The following CASC3 variants were observed in gnomAD, a reference collection of about 807,000 sequenced individuals.
CASC3 encodes the protein CASC3 exon junction complex subunit, also known as protein CASC3.
A neutral mutation model predicts 80.5 loss-of-function variants in CASC3; 30 were observed. The ratio of observed to expected loss-of-function variants is 0.37; its 90% CI spans 0.28 to 0.51. The LOEUF (loss-of-function observed/expected upper bound fraction) is 0.51. Among genes scored for constraint, CASC3 ranks in the 20% least tolerant of loss-of-function variants. The pLI is 0.94. For synonymous variants in CASC3, 312 were observed against 333.6 expected (o/e 0.94, Z 0.70); for missense variants, 824 against 922.2 (o/e 0.89, Z 1.38).
intron 7 of CASC3, among the ~76,000 whole-genome samples, chr17:40,165,389 G>A (rs1408977179): frequency 1.3e-5 from 2 of 152,192 alleles, no homozygotes; most frequent in Non-Finnish European, 2.9e-5. Flanking sequence ...AAAATTTTTT[G>A]TAGTGATGGG....
intron 8 of CASC3, 79 bp downstream of exon 8, chr17:40,166,940 T>TA: frequency 5.9e-6 from 6 of 1,021,150 alleles, no homozygotes; most frequent in Non-Finnish European, 7.2e-6. Flanking sequence ...CAAGATAAGG[T>TA]CTTTTTTTTT....
At chr17:40,146,206 C>T (rs528011453) in intron 3 of CASC3, among the ~76,000 whole-genome samples, 6 of 152,162 alleles carry the variant, frequency 3.9e-5, no homozygotes, top group East Asian at 1.9e-4. Context: ...GTGAGTGTGG[C>T]ATGGAATAGA....
chr17:40,168,093 C>A (rs1989497845), intron 10 of CASC3, 110 bp from the exon 11 acceptor site: 1 of 1,266,534 alleles, frequency 7.9e-7, no homozygotes, highest in Non-Finnish European at 1.1e-6. Flanking sequence ...CCTCTTGTGT[C>A]CATCCTGAGG....
At chr17:40,140,987 G>GAGCC (rs1252651190) in intron 1 of CASC3, 2 of 633,542 alleles carry the variant, frequency 3.2e-6, no homozygotes, top group Admixed American at 3.2e-5. Context: ...GAGGATGGTA[G>GAGCC]AGCCGCTGGA....
In CASC3 at chr17:40,163,668, G is replaced by T. The variant is rs752445327; in HGVS notation, c.973G>T (p.Gly325Cys). The change falls in exon 7 of 14, where the codon GGT becomes TGT. Residue 325 changes from glycine (G) to cysteine (C), a missense_variant. Transcript: ENST00000264645. ...TGGGGGCTTCAAGGAAGGTCGTGCTGGTTTTAGGCCTGTGGAAGCTGGTGG... is the reference window on the plus strand; with the variant it reads ...TGGGGGCTTCAAGGAAGGTCGTGCTTGTTTTAGGCCTGTGGAAGCTGGTGG... ...RSGGFKEGRA[G>C]FRPVEAGGQH... The T allele has an allele frequency of 1.2e-6, 2 of 1,614,018 alleles. No individual in the cohort carries two copies. The highest frequency in any genetic ancestry group is 2.7e-5 in the African/African-American group (2 of 74,888).
intron 3 of CASC3, among the ~76,000 whole-genome samples, chr17:40,143,570 G>C (rs1373659425): frequency 6.6e-6 from 1 of 151,986 alleles, no homozygotes; most frequent in East Asian, 1.9e-4. Context: ...AGTGGCTCAT[G>C]CCTGTAATCC....
In CASC3 at chr17:40,170,792, T is replaced by C. The variant is rs1989574135; in HGVS notation, c.*387T>C. 3.0e-6 allele frequency: 3 copies of C among 985,242 alleles called. No individual in the cohort carries two copies. The highest frequency in any genetic ancestry group is 3.6e-6 in the Non-Finnish European group (3 of 829,750). The allele number at this position is 985,242 out of a possible 1,614,324, so 61.0% of individuals were successfully genotyped here. A position where few individuals can be genotyped will look rare whatever the true frequency, so the allele number is the denominator to read the frequency against. ...TTCCTGTTTGTTTTGTTTTCTAAGATGTTCATTTTTAAAGCCTGGCTTCTT... is the reference window on the plus strand; with the variant it reads ...TTCCTGTTTGTTTTGTTTTCTAAGACGTTCATTTTTAAAGCCTGGCTTCTT... On this transcript the variant is annotated 3_prime_UTR_variant, in exon 14 of 14. Coordinates refer to ENST00000264645, the MANE Select transcript of CASC3 (RefSeq NM_007359.5).
intron 3 of CASC3, among the ~76,000 whole-genome samples, chr17:40,156,342 T>G (rs1184033045): frequency 1.3e-5 from 2 of 152,122 alleles, no homozygotes; most frequent in African/African-American, 4.8e-5. Context: ...CTCCCTCTAT[T>G]CTGTTACCTT....
rs780382966 is a variant in CASC3 at position 40,162,043 on chromosome 17, C to T, written c.498C>T (p.Gly166=). 1 of 1,613,974 alleles carries T rather than the reference C, an allele frequency of 6.2e-7. No homozygotes were observed. The highest frequency in any genetic ancestry group is 1.1e-5 in the South Asian group (1 of 91,066). The change falls in exon 5 of 14, where the codon GGC becomes GGT. Residue 166 remains glycine (G), a synonymous_variant. Coordinates refer to ENST00000264645, the MANE Select transcript of CASC3 (RefSeq NM_007359.5). ...TGGAGAACAAAGTGGGTAAAAAGGG[C>T]CCTAAGCATTTGGATGATGATGAAG... is the stretch of plus-strand genomic sequence containing the variant. The part of the protein sequence containing the change: ...EPVENKVGKK[G]PKHLDDDEDR...
Position 40,163,929 on chromosome 17 carries a change from A to G in CASC3, c.1234A>G (p.Thr412Ala), listed in dbSNP as rs1431581253. Residue 412 changes from threonine to alanine, a missense_variant, in exon 7 of 14, where the codon ACC becomes GCC. Thr to Ala is a moderately conservative substitution (Grantham distance 58). Around this residue, in one of 3 missense-constraint regions of CASC3, gnomAD observed 464 missense variants for 506.0 expected, o/e 0.92. Coordinates refer to ENST00000264645, the MANE Select transcript of CASC3 (RefSeq NM_007359.5). ...CTATTCCCGGGCAAGAAGAACTCGAACCAAAGTTGGAGATGCAGTCAAGCT... is the reference window on the plus strand; with the variant it reads ...CTATTCCCGGGCAAGAAGAACTCGAGCCAAAGTTGGAGATGCAGTCAAGCT... Reference protein sequence around the residue: ...KSYSRARRTRTKVGDAVKLAE... With the variant: ...KSYSRARRTRAKVGDAVKLAE... 6.2e-7 allele frequency: 1 copy of G among 1,613,980 alleles called. No individual in the cohort carries two copies. The highest frequency in any genetic ancestry group is 8.5e-7 in the Non-Finnish European group (1 of 1,180,032).
intron 11 of CASC3, 59 bp from the exon 12 acceptor site, chr17:40,169,265 A>AT (rs1235786464): frequency 5.6e-6 from 8 of 1,432,428 alleles, no homozygotes; most frequent in Non-Finnish European, 7.4e-6. Context: ...TTTCCTGTTC[A>AT]TCATAGGTTG....
intron 3 of CASC3, among the ~76,000 whole-genome samples, chr17:40,150,411 TGTGC>T (rs1294564704): frequency 5.3e-5 from 4 of 76,066 alleles, no homozygotes; most frequent in Non-Finnish European, 1.2e-4. Flanking sequence ...AGTAAGAGTG[TGTGC>T]GTGTGTGTGT....
At position 40,171,641 on chromosome 17, in the gene CASC3, C is replaced by T; in HGVS notation, c.*1236C>T. 1.0e-6 allele frequency: 1 copy of T among 1,001,382 alleles called. No individual in the cohort carries two copies. Among genetic ancestry groups the T allele is most frequent in the Non-Finnish European group, 1.2e-6 (1 of 839,250 alleles). The allele number at this position is 1,001,382 out of a possible 1,614,324, so 62.0% of individuals were successfully genotyped here. On this transcript the variant is annotated 3_prime_UTR_variant, in exon 14 of 14. Coordinates refer to ENST00000264645, the MANE Select transcript of CASC3 (RefSeq NM_007359.5). ...AAGGGCTCCTATCTTTCCTCCCTAT[C>T]CATGGCACTAAACCACTTCTCTGCT...
intron 3 of CASC3, among the ~76,000 whole-genome samples, chr17:40,154,108 T>G (rs984766013): frequency 1.3e-5 from 2 of 150,778 alleles, no homozygotes; most frequent in Non-Finnish European, 3.0e-5. Context: ...GCTGAGCGTT[T>G]TTTTTTTTTT....
intron 3 of CASC3, among the ~76,000 whole-genome samples, chr17:40,153,998 C>T (rs377346497): frequency 6.6e-6 from 1 of 151,450 alleles, no homozygotes; most frequent in African/African-American, 2.4e-5. Context: ...CACTTGAACC[C>T]GGGAGGTAGA....
Position 40,164,110 on chromosome 17 carries a change from C to T in CASC3, c.1415C>T (p.Ala472Val), listed in dbSNP as rs914740289. ...LEQDVAQLNI[A>V]EQNWSPGQPS... ...CAAGATGTGGCACAACTAAATATAGCAGAACAGAATTGGAGTCCGGGGCAG... is the reference window on the plus strand; with the variant it reads ...CAAGATGTGGCACAACTAAATATAGTAGAACAGAATTGGAGTCCGGGGCAG... Residue 472 changes from alanine (A) to valine (V), a missense_variant, in exon 7 of 14, where the codon GCA (alanine) becomes GTA (valine). Physicochemically the swap from Ala to Val is moderately conservative, Grantham distance 64. Coordinates refer to ENST00000264645, the MANE Select transcript of CASC3 (RefSeq NM_007359.5). The T allele has an allele frequency of 1.2e-6, 2 of 1,613,392 alleles. No individual in the cohort carries two copies. The highest frequency in any genetic ancestry group is 2.2e-5 in the East Asian group (1 of 44,884).
At chr17:40,142,583 C>T (rs569497968) in intron 3 of CASC3, among the ~76,000 whole-genome samples, 2 of 151,948 alleles carry the variant, frequency 1.3e-5, no homozygotes, top group African/African-American at 4.8e-5. Flanking sequence ...ACCAACGTGG[C>T]CAAAATGGTG....
intron 3 of CASC3, among the ~76,000 whole-genome samples, chr17:40,160,137 T>C (rs1352325816): frequency 1.3e-5 from 2 of 152,146 alleles, no homozygotes; most frequent in African/African-American, 4.8e-5. Flanking sequence ...CTCTAAGCCA[T>C]TTTGAGATGG....
intron 7 of CASC3, among the ~76,000 whole-genome samples, chr17:40,165,622 C>A (rs946508891): frequency 1.3e-5 from 2 of 152,122 alleles, no homozygotes; most frequent in Admixed American, 6.6e-5. Flanking sequence ...TGATCAAGAT[C>A]TTCTCTAATA....
Sources: gnomAD v4.1 joint callset for allele counts (sites outside exome capture counted in the v4.1 genomes callset) on GRCh38, gnomAD v4.1.1 for gene constraint, gnomAD v4.1.1 regional missense constraint, MANE v1.5 for transcripts, NCBI Gene and HGNC (gene_info 2026-07-23, HGNC 2026-07-21) for gene names.